Variants in PTPRB observed in about 807,000 individuals in gnomAD.
PTPRB encodes receptor-type tyrosine-protein phosphatase beta.
Under a neutral mutation model 238.1 loss-of-function variants are expected in PTPRB, and 97 were observed. The observed-to-expected ratio is 0.41, with a 90% confidence interval of 0.35 to 0.48. PTPRB has a LOEUF of 0.48. PTPRB is among the 20% of genes least tolerant of loss of function. The probability of loss-of-function intolerance (pLI) is 0.30; values close to 1 mark genes in which losing one functional copy is unlikely to be tolerated. For synonymous variants in PTPRB, 970 were observed against 995.4 expected (o/e 0.97, Z 0.48); for missense variants, 2,292 against 2,681.9 (o/e 0.85, Z 3.21).
chr12:70,615,168 G>A (rs980010412), intron 3 of PTPRB, among the ~76,000 whole-genome samples: 2 of 152,102 alleles, frequency 1.3e-5, no homozygotes, highest in African/African-American at 2.4e-5. Flanking sequence ...TGAATGCTGC[G>A]CAGTCGGTAA....
At chr12:70,546,006 G>A (rs1335951206) in intron 21 of PTPRB, among the ~76,000 whole-genome samples, 3 of 151,950 alleles carry the variant, frequency 2.0e-5, no homozygotes, top group African/African-American at 4.8e-5. Context: ...GCATGGTGGC[G>A]GGCACCTGTA....
At chr12:70,576,858 T>A (rs538434300) in intron 10 of PTPRB, among the ~76,000 whole-genome samples, 1 of 152,126 alleles carries the variant, frequency 6.6e-6, no homozygotes, top group East Asian at 1.9e-4. Flanking sequence ...CTAATCAAAA[T>A]AAAAATGTCC....
In PTPRB at chr12:70,631,134, A is replaced by C. The variant is rs548688127; in HGVS notation, c.451+4537T>G. 6.6e-5 allele frequency among the ~76,000 whole-genome samples: 10 copies of C among 152,316 alleles called. 1 individual carries two copies. The South Asian group carries it at 1.2e-3, about 19-fold the overall frequency. ...CCACATAGCCAAGACAATCCTAAGC[A>C]AAAAGAACAAAGCTGGAGGCATCAC... On this transcript the variant is annotated intron_variant, in intron 2 of 33. Coordinates refer to ENST00000334414, the MANE Select transcript of PTPRB (RefSeq NM_001109754.4).
intron 4 of PTPRB, among the ~76,000 whole-genome samples, chr12:70,601,526 C>G (rs1409023355): frequency 1.3e-5 from 2 of 152,038 alleles, no homozygotes; most frequent in Non-Finnish European, 2.9e-5. Flanking sequence ...GGATACCAAT[C>G]TAGTAACAAG....
At chr12:70,557,736 T>G (rs1877910587) in intron 18 of PTPRB, among the ~76,000 whole-genome samples, 1 of 152,240 alleles carries the variant, frequency 6.6e-6, no homozygotes, top group South Asian at 2.1e-4. Flanking sequence ...ACACACCCTG[T>G]GCTGGGCTCA....
intron 3 of PTPRB, chr12:70,609,688 G>A (rs1884269212): frequency 4.9e-6 from 7 of 1,440,866 alleles, no homozygotes; most frequent in Non-Finnish European, 5.7e-6. Context: ...CGATAGACGA[G>A]AAAGTGGAGT....
chr12:70,574,810 T>C (rs1467639657), intron 11 of PTPRB, among the ~76,000 whole-genome samples: 1 of 152,214 alleles, frequency 6.6e-6, no homozygotes, highest in Non-Finnish European at 1.5e-5. Context: ...TCCAAGTTCA[T>C]GCCGGTCAAG....
At chr12:70,605,956 T>C (rs1816107136) in intron 4 of PTPRB, among the ~76,000 whole-genome samples, 1 of 152,186 alleles carries the variant, frequency 6.6e-6, no homozygotes, top group Non-Finnish European at 1.5e-5. Flanking sequence ...GGTATGTTCA[T>C]TGTCTGATTT....
intron 29 of PTPRB, 110 bp downstream of exon 29, chr12:70,535,915 T>C (rs182137203): frequency 1.5e-6 from 2 of 1,345,950 alleles, no homozygotes; most frequent in Admixed American, 3.8e-5. Flanking sequence ...CTAACAATGC[T>C]CTCACATGAT....
At chr12:70,593,803 AG>A (rs1882735136) in intron 6 of PTPRB, among the ~76,000 whole-genome samples, 1 of 152,184 alleles carries the variant, frequency 6.6e-6, no homozygotes. Flanking sequence ...CCAAGAGAGG[AG>A]ATTTAATTCA....
At chr12:70,602,597 G>C (rs1017361916) in intron 4 of PTPRB, among the ~76,000 whole-genome samples, 1 of 152,154 alleles carries the variant, frequency 6.6e-6, no homozygotes, top group East Asian at 1.9e-4. Flanking sequence ...CAGAGATGTA[G>C]ACTGAAATAT....
chr12:70,630,652 T>C (rs548354965), intron 2 of PTPRB, among the ~76,000 whole-genome samples: 87 of 152,354 alleles, frequency 5.7e-4, no homozygotes, highest in African/African-American at 2.1e-3. Flanking sequence ...GATGACATGA[T>C]TGTATATTTA....
chr12:70,568,365 T>C (rs1226675556), intron 14 of PTPRB, among the ~76,000 whole-genome samples: 1 of 152,108 alleles, frequency 6.6e-6, no homozygotes, highest in African/African-American at 2.4e-5. Flanking sequence ...TGGCATGATC[T>C]CAGCTCACTG....
At chr12:70,537,932 T>A (rs1874423182) in intron 28 of PTPRB, 4 of 464,194 alleles carry the variant, frequency 8.6e-6, no homozygotes, top group Non-Finnish European at 1.5e-5. Flanking sequence ...TGAAAATGCA[T>A]CTTGGGCTCA....
In PTPRB at chr12:70,576,621, G is replaced by C; in HGVS notation, c.2603C>G (p.Thr868Arg). 7.5e-7 allele frequency: 1 copy of C among 1,335,386 alleles called. No individual in the cohort carries two copies. The highest frequency in any genetic ancestry group is 9.9e-7 in the Non-Finnish European group (1 of 1,014,746). 82.7% of individuals were successfully genotyped at this position (1,335,386 alleles called of 1,614,324 possible). A position where few individuals can be genotyped will look rare whatever the true frequency, so the allele number is the denominator to read the frequency against. ...RTVPSSVSGV[T>R]VNNSGRNDYL... ...GTCATTACGACCGGAATTGTTCACC[G>C]TTACTCCACTCACACTGGAAGGGAC... Residue 868 changes from threonine (T) to arginine (R), a missense_variant, in exon 11 of 34, where the codon ACG (threonine) becomes AGG (arginine). Around this residue, in one of 4 missense-constraint regions of PTPRB, gnomAD observed 1,205 missense variants for 1,287.8 expected, o/e 0.94. Transcript: ENST00000334414.
At chr12:70,584,715 TGA>T (rs939469703) in intron 9 of PTPRB, among the ~76,000 whole-genome samples, 16 of 152,174 alleles carry the variant, frequency 1.1e-4, no homozygotes, top group African/African-American at 3.6e-4. Context: ...AAACAAAATT[TGA>T]GAGAGTTTGT....
At chr12:70,549,486 C>T (rs537959562) in intron 21 of PTPRB, among the ~76,000 whole-genome samples, 1 of 152,328 alleles carries the variant, frequency 6.6e-6, no homozygotes, top group Admixed American at 6.5e-5. Flanking sequence ...AGGAACCCAA[C>T]AATGAATGAA....
chr12:70,594,703 A>G lies in PTPRB; in HGVS notation c.1280T>C (p.Ile427Thr), dbSNP rs746024695. 5.0e-6 allele frequency: 8 copies of G among 1,613,978 alleles called. No individual in the cohort carries two copies. The highest frequency in any genetic ancestry group is 4.5e-5 in the East Asian group (2 of 44,884). Residue 427 changes from isoleucine to threonine, a missense_variant, in exon 6 of 34, where the codon ATT becomes ACT. Transcript: ENST00000334414. ...GSTVPSPVKD[I>T]GISTKANSLL... ...AGAATTGGCTTTTGTGGAAATACCA[A>G]TATCTTTCACTGGAGATGGCACTAG...
At chr12:70,609,796 C>A (rs1164127582) in intron 3 of PTPRB, 1 of 1,587,560 alleles carries the variant, frequency 6.3e-7, no homozygotes, top group East Asian at 2.3e-5. Context: ...AAGGCCAACC[C>A]GGCTCCATGG....
Sources: gnomAD v4.1 joint callset for allele counts (sites outside exome capture counted in the v4.1 genomes callset) on GRCh38, gnomAD v4.1.1 for gene constraint, gnomAD v4.1.1 regional missense constraint, MANE v1.5 for transcripts, NCBI Gene and HGNC (gene_info 2026-07-23, HGNC 2026-07-21) for gene names.